XPO4: variants seen among roughly 807,000 people sequenced by gnomAD.
The protein encoded by XPO4 is exportin-4.
XPO4 carries 39 observed loss-of-function variants against 143.0 expected under a neutral mutation model. The ratio of observed to expected loss-of-function variants is 0.27; its 90% CI spans 0.21 to 0.36. XPO4 has a LOEUF of 0.36. Ranked by LOEUF, XPO4 falls within the 10% of genes least tolerant of loss-of-function variation. XPO4 has a pLI of 1.00. For synonymous variants in XPO4, 439 were observed against 474.0 expected (o/e 0.93, Z 0.96); for missense variants, 907 against 1,348.0 (o/e 0.67, Z 5.12).
In XPO4 at chr13:20,811,447, C is replaced by T. The variant is rs565461407; in HGVS notation, c.1174-1480G>A. 6.6e-5 allele frequency among the ~76,000 whole-genome samples: 10 copies of T among 151,968 alleles called. No individual in the cohort carries two copies. The South Asian group carries it at 2.1e-3, about 32-fold the overall frequency. On this transcript the variant is annotated intron_variant, in intron 9 of 22. Transcript: ENST00000255305. ...GGACTACAAGTGTGCACCATCATGC[C>T]CAGCTAATGTTTGTATTTTTAGTAG...
At chr13:20,786,550 C>T (rs2059209155) in intron 22 of XPO4, among the ~76,000 whole-genome samples, 1 of 152,046 alleles carries the variant, frequency 6.6e-6, no homozygotes, top group Non-Finnish European at 1.5e-5. Context: ...ATACTGTTTT[C>T]TATAATATGC....
At position 20,862,851 on chromosome 13, in the gene XPO4, A is replaced by G; in HGVS notation, c.183T>C (p.Ser61=). ...CTTGAAAGAGGACATAGTCCACTTTACTAGTTTCTGAGGAGAAAATTAAAA... is the reference window on the plus strand; with the variant it reads ...CTTGAAAGAGGACATAGTCCACTTTGCTAGTTTCTGAGGAGAAAATTAAAA... ...FAVCKHILET[S]KVDYVLFQAA... is the part of the protein sequence containing the mutation. The change falls in exon 3 of 23, where the codon AGT becomes AGC. Residue 61 remains serine (S), a synonymous_variant. Coordinates refer to ENST00000255305, the MANE Select transcript of XPO4 (RefSeq NM_022459.5). 6.2e-7 allele frequency: 1 copy of G among 1,613,714 alleles called. No individual in the cohort carries two copies. The highest frequency in any genetic ancestry group is 8.5e-7 in the Non-Finnish European group (1 of 1,179,834).
chr13:20,856,233 T>G, intron 3 of XPO4: 1 of 660,524 alleles, frequency 1.5e-6, no homozygotes, highest in Non-Finnish European at 1.9e-6. Flanking sequence ...ACTAATCTAA[T>G]CCTAAATCCC....
intron 3 of XPO4, among the ~76,000 whole-genome samples, chr13:20,858,920 GTGTATATATATA>G (rs200829987): frequency 0.04 from 644 of 16,300 alleles, 2 homozygotes; most frequent in Admixed American, 0.068. Flanking sequence ...ATATGTGTGT[GTGTATATATATA>G]TATATATATA....
At position 20,786,641 on chromosome 13, in the gene XPO4, GTTC is replaced by G. The variant is rs138308705; in HGVS notation, c.3258+321_3258+323del. Among the ~76,000 whole-genome samples the G allele has an allele frequency of 3.6e-3, 551 of 152,204 alleles. 9 individuals carry two copies. The highest frequency in any genetic ancestry group is 0.013 in the African/African-American group (525 of 41,514). On this transcript the variant is annotated intron_variant, in intron 22 of 22. Coordinates refer to ENST00000255305, the MANE Select transcript of XPO4 (RefSeq NM_022459.5). The stretch of plus-strand genomic sequence containing the variant: ...CTGTCTCCCTTACAAAAAACCATGA[GTTC>G]TTCACACACCCATTATGTATTCCTC...
intron 1 of XPO4, among the ~76,000 whole-genome samples, chr13:20,874,709 C>T (rs1595152466): frequency 6.6e-6 from 1 of 152,172 alleles, no homozygotes; most frequent in East Asian, 1.9e-4. Flanking sequence ...AACTTCTGTT[C>T]TTGGCTGGGT....
intron 19 of XPO4, among the ~76,000 whole-genome samples, chr13:20,789,487 C>T (rs1225557165): frequency 2.0e-5 from 3 of 151,596 alleles, no homozygotes; most frequent in Non-Finnish European, 4.4e-5. Flanking sequence ...CTCCGCCTCC[C>T]GGGTTCACGC....
Position 20,803,681 on chromosome 13 carries a change from C to T in XPO4, c.1818-2691G>A, listed in dbSNP as rs2059464943. Among the ~76,000 whole-genome samples the T allele has an allele frequency of 6.6e-6, 1 of 152,128 alleles. No individual in the cohort carries two copies. The highest frequency in any genetic ancestry group is 2.4e-5 in the African/African-American group (1 of 41,418). On this transcript the variant is annotated intron_variant, in intron 13 of 22. Coordinates refer to ENST00000255305, the MANE Select transcript of XPO4 (RefSeq NM_022459.5). This position sits in a 1 kb window ranked among gnomAD's most constrained non-coding sequence, Gnocchi z 4.1. Reference sequence around the variant, plus strand: ...ACTCCCACTTTATCAGCCCCACCCACAGCAACCTCCCTGCCTCTCCACCCT... The same window carrying T: ...ACTCCCACTTTATCAGCCCCACCCATAGCAACCTCCCTGCCTCTCCACCCT...
At chr13:20,864,809 T>G (rs187889093) in intron 2 of XPO4, among the ~76,000 whole-genome samples, 1 of 151,738 alleles carries the variant, frequency 6.6e-6, no homozygotes, top group Admixed American at 6.6e-5. Flanking sequence ...GACCTCTGCA[T>G]GGTATTAAAT....
chr13:20,870,096 A>AAAAG (rs2060281037), intron 1 of XPO4, among the ~76,000 whole-genome samples: 1 of 148,912 alleles, frequency 6.7e-6, no homozygotes, highest in Non-Finnish European at 1.5e-5. Flanking sequence ...TCTCAAAAAA[A>AAAAG]AAAAAAAAAA....
At chr13:20,874,128 G>A (rs1219330182) in intron 1 of XPO4, among the ~76,000 whole-genome samples, 1 of 152,090 alleles carries the variant, frequency 6.6e-6, no homozygotes, top group Non-Finnish European at 1.5e-5. Context: ...GCGACACACA[G>A]TTGGGTAGAC....
At chr13:20,793,750 A>T (rs2059316767) in intron 18 of XPO4, among the ~76,000 whole-genome samples, 1 of 152,190 alleles carries the variant, frequency 6.6e-6, no homozygotes, top group Admixed American at 6.5e-5. Context: ...CTTTCAATGT[A>T]AATGATCTGA....
At chr13:20,819,874 C>T (rs1486106514) in intron 9 of XPO4, among the ~76,000 whole-genome samples, 5 of 152,158 alleles carry the variant, frequency 3.3e-5, no homozygotes, top group South Asian at 2.1e-4. Flanking sequence ...GAAGATACAA[C>T]GGAAACCGCT....
At chr13:20,855,169 G>GACT (rs1387430574) in intron 4 of XPO4, among the ~76,000 whole-genome samples, 2 of 152,136 alleles carry the variant, frequency 1.3e-5, no homozygotes, top group East Asian at 3.9e-4. Context: ...TATTTAAAAA[G>GACT]ACTAGGCCAG....
chr13:20,855,073 A>G (rs530238360), intron 4 of XPO4, among the ~76,000 whole-genome samples: 1 of 152,384 alleles, frequency 6.6e-6, no homozygotes, highest in South Asian at 2.1e-4. Context: ...CAATTAAAAT[A>G]ATGATTATGA....
chr13:20,808,136 C>T (rs1378548150), intron 12 of XPO4, among the ~76,000 whole-genome samples: 1 of 152,134 alleles, frequency 6.6e-6, no homozygotes, highest in East Asian at 1.9e-4. Flanking sequence ...CTCAAAGTCT[C>T]AGCTTCTTCA....
Position 20,891,122 on chromosome 13 carries a change from T to A in XPO4, c.69+11548A>T, listed in dbSNP as rs190751196. 8.7e-3 allele frequency among the ~76,000 whole-genome samples: 744 copies of A among 85,918 alleles called. 7 individuals are homozygous for A. Among genetic ancestry groups the A allele is most frequent in the South Asian group, 0.025 (58 of 2,302 alleles). The allele number at this position is 85,918 out of a possible 152,430, so 56.4% of individuals were successfully genotyped here. A position where few individuals can be genotyped will look rare whatever the true frequency, so the allele number is the denominator to read the frequency against. ...ACAAGAGCAAAACTCCATCTCAATT[T>A]AAAAAAAAAAAAAAAAAAAAAAAAA... On this transcript the variant is annotated intron_variant, in intron 1 of 22. Transcript: ENST00000255305.
Position 20,787,515 on chromosome 13 carries a change from G to A in XPO4, c.3131C>T (p.Ser1044Leu). ...GTGCCGTGTTGCTAGAAAAAGTGGTGAGTCTGTTTCTTGTGCTTTTGCACA... is the reference window on the plus strand; with the variant it reads ...GTGCCGTGTTGCTAGAAAAAGTGGTAAGTCTGTTTCTTGTGCTTTTGCACA... ...EQCAKAQETD[S>L]PLFLATRHFL... The change falls in exon 21 of 23, where the codon TCA (serine) becomes TTA (leucine). Residue 1044 changes from serine (S) to leucine (L), a missense_variant. Physicochemically the swap from Ser to Leu is moderately radical, Grantham distance 145. Coordinates refer to ENST00000255305, the MANE Select transcript of XPO4 (RefSeq NM_022459.5). 1 of 1,614,258 alleles carries A rather than the reference G, an allele frequency of 6.2e-7. No individual in the cohort carries two copies. Among genetic ancestry groups the A allele is most frequent in the South Asian group, 1.1e-5 (1 of 91,092 alleles).
At chr13:20,801,115 A>G in intron 13 of XPO4, 125 bp from the exon 14 acceptor site, 1 of 1,034,158 alleles carries the variant, frequency 9.7e-7, no homozygotes, top group Non-Finnish European at 1.4e-6. Context: ...CTATACTTGA[A>G]CATTTCATCT....
Sources: allele counts gnomAD v4.1 joint callset (sites outside exome capture counted in the v4.1 genomes callset), GRCh38; gene constraint gnomAD v4.1.1; non-coding constraint Gnocchi (gnomAD v3.1); transcripts MANE v1.5; gene names NCBI Gene and HGNC (gene_info 2026-07-23, HGNC 2026-07-21).